RBM26: variants seen among roughly 807,000 people sequenced by gnomAD.
The protein encoded by RBM26 is RNA-binding protein 26.
Under a neutral mutation model 123.6 loss-of-function variants are expected in RBM26, and 30 were observed. The observed-to-expected ratio is 0.24, with a 90% CI of 0.18 to 0.33. RBM26 has a LOEUF of 0.33. Among genes scored for constraint, RBM26 ranks in the 10% least tolerant of loss-of-function variants. The pLI, the probability that RBM26 is intolerant of heterozygous loss-of-function variation, is 1.00. For missense variants in RBM26, 947 were observed against 1,203.6 expected, an observed-to-expected ratio of 0.79 and a Z score of 3.15; for synonymous variants, 400 against 404.4, an observed-to-expected ratio of 0.99 and a Z score of 0.13.
chr13:79,387,671 T>G (rs1344993528), intron 1 of RBM26, among the ~76,000 whole-genome samples: 1 of 152,186 alleles, frequency 6.6e-6, no homozygotes, highest in Admixed American at 6.5e-5. Flanking sequence ...CCCATTCCAG[T>G]AACTTTTAGT....
intron 14 of RBM26, among the ~76,000 whole-genome samples, chr13:79,348,642 G>A (rs772998599): frequency 5.9e-5 from 9 of 152,058 alleles, no homozygotes; most frequent in Non-Finnish European, 1.3e-4. Context: ...ACAGTATGAG[G>A]AGCTATGTGT....
intron 1 of RBM26, among the ~76,000 whole-genome samples, chr13:79,393,471 C>G (rs908500810): frequency 1.3e-5 from 2 of 152,154 alleles, no homozygotes; most frequent in African/African-American, 4.8e-5. Context: ...CGAATTCTTT[C>G]TTCTGAGACA....
intron 1 of RBM26, among the ~76,000 whole-genome samples, chr13:79,405,141 T>C (rs985436229): frequency 3.3e-5 from 5 of 152,268 alleles, no homozygotes; most frequent in African/African-American, 1.2e-4. Flanking sequence ...GATTCAATTT[T>C]CTTCCTCCTC....
Position 79,320,121 on chromosome 13 carries a change from A to T in RBM26, c.*500T>A. ...GTAAAATACATACACAGTCCAACAA[A>T]AGGCTAATACATAGTAAAGCCTAAG... On this transcript the variant is annotated 3_prime_UTR_variant, in exon 22 of 22. Transcript: ENST00000438737. The T allele has an allele frequency of 5.2e-6, 5 of 969,688 alleles. No homozygotes were observed. Among genetic ancestry groups the T allele is most frequent in the Non-Finnish European group, 6.1e-6 (5 of 816,060 alleles). 60.1% of individuals were successfully genotyped at this position (969,688 alleles called of 1,614,324 possible).
At chr13:79,352,232 T>C (rs942737952) in intron 14 of RBM26, among the ~76,000 whole-genome samples, 1 of 152,136 alleles carries the variant, frequency 6.6e-6, no homozygotes, top group African/African-American at 2.4e-5. Context: ...TGATGCATTA[T>C]CTCTGAAATT....
rs999349147 is a variant in RBM26 at position 79,396,961 on chromosome 13, C to G, written c.71+8743G>C. On this transcript the variant is annotated intron_variant, in intron 1 of 21. Coordinates refer to ENST00000438737, the MANE Select transcript of RBM26 (RefSeq NM_001366735.2). The stretch of plus-strand genomic sequence containing the variant: ...CTGGGAGGCTGAGGCAGGCAGATCA[C>G]CTGAGGTCAGGAGTTCAGGACCAGC... 7.9e-5 allele frequency among the ~76,000 whole-genome samples: 12 copies of G among 152,124 alleles called. No individual in the cohort carries two copies. In the South Asian group the frequency reaches 1.0e-3, roughly 13 times the overall value.
At chr13:79,345,850 C>CA (rs57762567) in intron 14 of RBM26, among the ~76,000 whole-genome samples, 1,500 of 141,344 alleles carry the variant, frequency 0.011, 23 homozygotes, top group African/African-American at 0.035. Context: ...ACGGTCAGCT[C>CA]AAAAAAAAAA....
At chr13:79,348,397 C>T (rs1324969536) in intron 14 of RBM26, among the ~76,000 whole-genome samples, 1 of 151,858 alleles carries the variant, frequency 6.6e-6, no homozygotes, top group African/African-American at 2.4e-5. Context: ...TAATACCAGC[C>T]ACAATAACTA....
At chr13:79,399,305 T>C (rs527577560) in intron 1 of RBM26, among the ~76,000 whole-genome samples, 81 of 152,330 alleles carry the variant, frequency 5.3e-4, no homozygotes, top group African/African-American at 1.9e-3. Context: ...TAGCTATGAA[T>C]AAAGTATGCT....
At position 79,353,142 on chromosome 13, in the gene RBM26, ATTC is replaced by A. The variant is rs1170289171; in HGVS notation, c.2058+8_2058+10del. 12 of 1,550,486 alleles carry A rather than the reference ATTC, an allele frequency of 7.7e-6. No individual in the cohort carries two copies. Among genetic ancestry groups the A allele is most frequent in the East Asian group, 4.6e-5 (2 of 43,828 alleles). On this transcript the variant is annotated splice_region_variant and intron_variant, in intron 14 of 21. Transcript: ENST00000438737. ...GAAGCCAAGACAAACACATCATGCTATTCTTCTTACCTTTTCAGTTGCTGAAAC... is the reference window on the plus strand; with the variant it reads ...GAAGCCAAGACAAACACATCATGCTATTCTTACCTTTTCAGTTGCTGAAAC...
At chr13:79,347,114 T>A (rs577039156) in intron 14 of RBM26, among the ~76,000 whole-genome samples, 21 of 152,178 alleles carry the variant, frequency 1.4e-4, no homozygotes, top group South Asian at 4.2e-4. Context: ...GACTAAGGAG[T>A]GCTGGTTCAA....
intron 9 of RBM26, 53 bp from the exon 10 acceptor site, chr13:79,359,739 A>G (rs780316832): frequency 1.5e-5 from 14 of 930,278 alleles, no homozygotes; most frequent in Non-Finnish European, 2.2e-5. Flanking sequence ...AATATTTTCT[A>G]TTTATCATAG....
At chr13:79,323,052 G>GA (rs1308621565) in intron 20 of RBM26, among the ~76,000 whole-genome samples, 6 of 150,470 alleles carry the variant, frequency 4.0e-5, no homozygotes, top group East Asian at 2.0e-4. Flanking sequence ...TCAATGAAAG[G>GA]AAAAAAAACC....
exon 5 of RBM26, chr13:79,312,647 T>TAAC (rs1227005618): frequency 6.6e-6 from 1 of 152,030 alleles, no homozygotes; most frequent in Admixed American, 6.6e-5. Flanking sequence ...CTAGCCAAAT[T>TAAC]AACTGCCTTC....
chr13:79,374,765 T>C (rs1404460373), intron 3 of RBM26, among the ~76,000 whole-genome samples: 2 of 152,180 alleles, frequency 1.3e-5, no homozygotes, highest in African/African-American at 4.8e-5. Context: ...CCACAGTACA[T>C]GCCCATCTGC....
intron 9 of RBM26, among the ~76,000 whole-genome samples, chr13:79,360,984 C>T (rs76939721): frequency 0.018 from 2,737 of 152,196 alleles, 85 homozygotes; most frequent in African/African-American, 0.062. Context: ...AACTGAAGAT[C>T]TGTTTCAGCA....
chr13:79,405,579 G>C, intron 1 of RBM26, 125 bp downstream of exon 1: 1 of 525,510 alleles, frequency 1.9e-6, no homozygotes, highest in Non-Finnish European at 3.2e-6. Context: ...AGAAGCCACA[G>C]AACCCTGGGA....
intron 11 of RBM26, among the ~76,000 whole-genome samples, chr13:79,357,961 C>A (rs1594283041): frequency 6.7e-6 from 1 of 149,820 alleles, no homozygotes; most frequent in East Asian, 2.0e-4. Context: ...CGGCTCGCTG[C>A]AACCTTAGCC....
chr13:79,379,366 T>C (rs2076897164), intron 1 of RBM26, among the ~76,000 whole-genome samples: 1 of 97,834 alleles, frequency 1.0e-5, no homozygotes, highest in Non-Finnish European at 1.9e-5. Flanking sequence ...AAACCCAGTC[T>C]CTACCAAAAA....
Sources: gnomAD v4.1 joint callset for allele counts (sites outside exome capture counted in the v4.1 genomes callset) on GRCh38, gnomAD v4.1.1 for gene constraint, MANE v1.5 for transcripts, NCBI Gene and HGNC (gene_info 2026-07-23, HGNC 2026-07-21) for gene names.